Variants in GPC6 observed in about 807,000 individuals in gnomAD.
GPC6 encodes the protein glypican 6.
Under a neutral mutation model 55.2 loss-of-function variants are expected in GPC6, and 14 were observed. That is an observed-to-expected ratio of 0.25 (90% CI 0.17 to 0.40). The LOEUF (loss-of-function observed/expected upper bound fraction) is 0.40, where lower values mean the gene tolerates loss of function less well. Ranked by LOEUF, GPC6 falls within the 10% of genes least tolerant of loss-of-function variation. The pLI is 1.00. For synonymous variants in GPC6, 278 were observed against 259.6 expected (o/e 1.07, Z -0.68); for missense variants, 641 against 708.5 (o/e 0.90, Z 1.08).
chr13:94,381,383 T>A (rs972075096), intron 6 of GPC6, among the ~76,000 whole-genome samples: 1 of 152,142 alleles, frequency 6.6e-6, no homozygotes, highest in African/African-American at 2.4e-5. Flanking sequence ...GAGGAAAGGA[T>A]CCCTTCTAGA....
At chr13:94,240,770 G>A (rs950712605) in intron 4 of GPC6, among the ~76,000 whole-genome samples, 2 of 152,140 alleles carry the variant, frequency 1.3e-5, no homozygotes, top group Non-Finnish European at 2.9e-5. Context: ...TGCAGGTGCC[G>A]TATAAGCATG....
intron 1 of GPC6, among the ~76,000 whole-genome samples, chr13:93,477,850 C>A (rs927348602): frequency 2.0e-5 from 3 of 152,144 alleles, no homozygotes; most frequent in Non-Finnish European, 4.4e-5. Flanking sequence ...TGAGTACAGA[C>A]TTAACAGCAG....
chr13:93,293,669 C>T (rs935136779), intron 1 of GPC6, among the ~76,000 whole-genome samples: 3 of 152,224 alleles, frequency 2.0e-5, no homozygotes, highest in Non-Finnish European at 4.4e-5. Context: ...CACTAAATAG[C>T]ACACTATTGT....
At chr13:93,369,730 C>T (rs1231200138) in intron 1 of GPC6, among the ~76,000 whole-genome samples, 2 of 152,020 alleles carry the variant, frequency 1.3e-5, no homozygotes, top group Non-Finnish European at 2.9e-5. Context: ...TTTTTTGTCA[C>T]TTGGGAAAAC....
chr13:94,361,313 AGTGTT>A (rs1409455685), intron 6 of GPC6, among the ~76,000 whole-genome samples: 1 of 152,206 alleles, frequency 6.6e-6, no homozygotes, highest in Non-Finnish European at 1.5e-5. Flanking sequence ...CACAAGGCCC[AGTGTT>A]TAGAAGTACC....
chr13:94,004,505 G>A (rs1399726118), intron 3 of GPC6, among the ~76,000 whole-genome samples: 2 of 152,098 alleles, frequency 1.3e-5, no homozygotes, highest in Non-Finnish European at 2.9e-5. Flanking sequence ...GAATATAGAT[G>A]TTTTAATTGA....
At chr13:93,297,622 C>G (rs1008050291) in intron 1 of GPC6, among the ~76,000 whole-genome samples, 7 of 152,018 alleles carry the variant, frequency 4.6e-5, no homozygotes, top group Admixed American at 1.3e-4. Flanking sequence ...CTGTCTTTAA[C>G]AGAACAAAAA....
Position 93,416,937 on chromosome 13 carries a change from T to C in GPC6, c.161-128326T>C, listed in dbSNP as rs17234467. ...TCAAGTCTAGTGCTTCTTTCCTGTA[T>C]TCCTTGATCATTGAATCACTTGACC... On this transcript the variant is annotated intron_variant, in intron 1 of 8. Coordinates refer to ENST00000377047, the MANE Select transcript of GPC6 (RefSeq NM_005708.5). Among the ~76,000 whole-genome samples, 2,368 of 152,258 alleles carry C rather than the reference T, an allele frequency of 0.016. 220 individuals are homozygous for C. The East Asian group carries it at 0.27, about 18-fold the overall frequency.
chr13:94,228,630 G>C (rs1443864629), intron 4 of GPC6, among the ~76,000 whole-genome samples: 1 of 151,976 alleles, frequency 6.6e-6, no homozygotes, highest in Non-Finnish European at 1.5e-5. Context: ...AGTTATCCCA[G>C]AGTAAAACAT....
At chr13:93,276,493 A>AGTGTGT (rs775217548) in intron 1 of GPC6, among the ~76,000 whole-genome samples, 65 of 92,992 alleles carry the variant, frequency 7.0e-4, no homozygotes, top group Non-Finnish European at 1.3e-3. Flanking sequence ...AGAGAGAGAG[A>AGTGTGT]GAGTGTGTGT....
Position 94,335,107 on chromosome 13 carries a change from A to G in GPC6, c.1152+28984A>G, listed in dbSNP as rs140660471. On this transcript the variant is annotated intron_variant, in intron 6 of 8. Transcript: ENST00000377047. ...AGGGTTACTACTAAGCATAATCTAG[A>G]AAGTACTTAAGAGTGAGTTGTCTTA... 5.5e-3 allele frequency among the ~76,000 whole-genome samples: 833 copies of G among 152,264 alleles called. 18 individuals carry two copies. The highest frequency in any genetic ancestry group is 0.019 in the African/African-American group (784 of 41,548).
the GPC6 span, among the ~76,000 whole-genome samples, chr13:93,217,456 G>T: frequency 6.6e-6 from 1 of 152,176 alleles, no homozygotes. Flanking sequence ...GTTTTCGAGT[G>T]TAAAAGTAAA....
chr13:93,526,373 G>T (rs1466320850), intron 1 of GPC6, among the ~76,000 whole-genome samples: 1 of 151,450 alleles, frequency 6.6e-6, no homozygotes, highest in Admixed American at 6.6e-5. Flanking sequence ...GGACTTTTCA[G>T]GGATTAAAGA....
intron 3 of GPC6, among the ~76,000 whole-genome samples, chr13:93,869,488 A>G (rs1367493153): frequency 5.9e-5 from 9 of 151,844 alleles, no homozygotes; most frequent in Non-Finnish European, 1.0e-4. Flanking sequence ...CAGTCATTTG[A>G]TGTAGAACAA....
At chr13:94,369,146 G>A (rs1214969577) in intron 6 of GPC6, among the ~76,000 whole-genome samples, 1 of 152,022 alleles carries the variant, frequency 6.6e-6, no homozygotes, top group Non-Finnish European at 1.5e-5. Context: ...TAAAGATATG[G>A]TATATATTAT....
chr13:94,148,633 G>C (rs777086964), intron 4 of GPC6, among the ~76,000 whole-genome samples: 3 of 152,044 alleles, frequency 2.0e-5, no homozygotes, highest in Non-Finnish European at 2.9e-5. Context: ...ATGTTATTTT[G>C]ACATTCTAGT....
intron 1 of GPC6, among the ~76,000 whole-genome samples, chr13:93,531,527 A>T (rs1881868721): frequency 6.6e-6 from 1 of 152,096 alleles, no homozygotes; most frequent in Admixed American, 6.6e-5. Flanking sequence ...GATCTCCTTT[A>T]CTTAAAATCA....
intron 1 of GPC6, among the ~76,000 whole-genome samples, chr13:93,400,043 C>T (rs1395338678): frequency 6.6e-6 from 1 of 152,080 alleles, no homozygotes; most frequent in Non-Finnish European, 1.5e-5. Context: ...AAAGCATATT[C>T]TGATTGAACA....
rs71652292 is a variant in GPC6 at position 93,277,537 on chromosome 13, CTT to C, written c.160+49923_160+49924del. On this transcript the variant is annotated intron_variant, in intron 1 of 8. Transcript: ENST00000377047. Reference sequence around the variant, plus strand: ...GTCTCATCAGACTAAACCAAGGTGTCTTTATTATAACCCAATTCCTCAAATCC... The same window carrying C: ...GTCTCATCAGACTAAACCAAGGTGTCTATTATAACCCAATTCCTCAAATCC... Among the ~76,000 whole-genome samples the C allele has an allele frequency of 1.0e-2, 1,520 of 152,178 alleles. 29 individuals carry two copies. The highest frequency in any genetic ancestry group is 0.035 in the African/African-American group (1,449 of 41,522).
Sources: allele counts gnomAD v4.1 joint callset (sites outside exome capture counted in the v4.1 genomes callset), GRCh38; gene constraint gnomAD v4.1.1; transcripts MANE v1.5; gene names NCBI Gene and HGNC (gene_info 2026-07-23, HGNC 2026-07-21).